MBNL1: variants seen among roughly 807,000 people sequenced by gnomAD.
MBNL1 encodes muscleblind like splicing regulator 1.
MBNL1 carries 8 observed loss-of-function variants against 42.2 expected under a neutral mutation model. The ratio of observed to expected loss-of-function variants is 0.19; its 90% CI spans 0.11 to 0.34. The LOEUF (loss-of-function observed/expected upper bound fraction) is 0.34. MBNL1 is among the 10% of genes least tolerant of loss of function. The probability of loss-of-function intolerance (pLI) is 1.00; values close to 1 mark genes in which losing one functional copy is unlikely to be tolerated. For missense variants in MBNL1, 309 were observed against 495.3 expected (o/e 0.62, Z 3.57); for synonymous variants, 169 against 173.9 (o/e 0.97, Z 0.22).
intron 2 of MBNL1, among the ~76,000 whole-genome samples, chr3:152,342,600 A>G (rs1482995776): frequency 7.1e-6 from 1 of 140,948 alleles, no homozygotes. Flanking sequence ...TCCACAAACA[A>G]CAGGACCTAC....
chr3:152,324,798 G>A (rs146976412), intron 2 of MBNL1, among the ~76,000 whole-genome samples: 250 of 152,104 alleles, frequency 1.6e-3, no homozygotes, highest in African/African-American at 5.6e-3. Flanking sequence ...TCTGTAAGAC[G>A]GGGATGATAA....
At chr3:152,370,441 G>T (rs997573247) in intron 2 of MBNL1, among the ~76,000 whole-genome samples, 2 of 152,210 alleles carry the variant, frequency 1.3e-5, no homozygotes, top group Admixed American at 1.3e-4. Context: ...TTTAGAATAA[G>T]TGTGATGTGG....
chr3:152,378,455 A>G (rs2153375956), intron 2 of MBNL1, among the ~76,000 whole-genome samples: 1 of 152,288 alleles, frequency 6.6e-6, no homozygotes, highest in South Asian at 2.1e-4. Context: ...ATATAATGCA[A>G]CAACATGTTT....
chr3:152,340,534 T>C, intron 2 of MBNL1: 2 of 1,596,272 alleles, frequency 1.3e-6, no homozygotes, highest in Non-Finnish European at 1.7e-6. Flanking sequence ...TTTTTAATTC[T>C]TCATGAGTCC....
chr3:152,272,642 A>T (rs953695368), intron 1 of MBNL1, among the ~76,000 whole-genome samples: 1 of 152,236 alleles, frequency 6.6e-6, no homozygotes, highest in South Asian at 2.1e-4. Context: ...ATTCATAAGA[A>T]TGAAAGATTT....
At chr3:152,316,453 C>T (rs9819876) in intron 2 of MBNL1, among the ~76,000 whole-genome samples, 1 of 152,142 alleles carries the variant, frequency 6.6e-6, no homozygotes, top group South Asian at 2.1e-4. Flanking sequence ...ATGGCATGCC[C>T]ACTGTGTGCA....
chr3:152,341,971 G>A (rs904365554), intron 2 of MBNL1, among the ~76,000 whole-genome samples: 9 of 151,996 alleles, frequency 5.9e-5, no homozygotes, highest in African/African-American at 2.2e-4. Context: ...GTAATGTATG[G>A]ATTACCTTTT....
intron 3 of MBNL1, among the ~76,000 whole-genome samples, chr3:152,428,328 C>G (rs2098962876): frequency 1.3e-5 from 2 of 152,164 alleles, no homozygotes. Context: ...AGTCTGCCCT[C>G]TAGGAGCCTC....
chr3:152,418,329 A>G (rs1239136307), intron 3 of MBNL1, among the ~76,000 whole-genome samples: 2 of 151,996 alleles, frequency 1.3e-5, no homozygotes, highest in Non-Finnish European at 2.9e-5. Context: ...GGAAGCACCT[A>G]ATTGGAGACA....
intron 2 of MBNL1, among the ~76,000 whole-genome samples, chr3:152,409,838 T>C (rs182221531): frequency 6.3e-4 from 96 of 152,290 alleles, no homozygotes; most frequent in Non-Finnish European, 4.3e-4. Flanking sequence ...CAAATCACAG[T>C]ATTCCTTTTA....
At chr3:152,262,625 A>G (rs750298010) in intron 2 of MBNL1, 7 of 152,190 alleles carry the variant, frequency 4.6e-5, no homozygotes, top group Non-Finnish European at 1.0e-4. Context: ...ATATTTTTTC[A>G]TATTTGTTTT....
At chr3:152,304,579 G>A (rs6782110) in intron 2 of MBNL1, among the ~76,000 whole-genome samples, 7,001 of 152,172 alleles carry the variant, frequency 0.046, 556 homozygotes, top group East Asian at 0.31. Flanking sequence ...TATATACTGT[G>A]CTGGCACATA....
chr3:152,335,011 C>G (rs1270811665), intron 2 of MBNL1: 1 of 1,095,540 alleles, frequency 9.1e-7, no homozygotes, highest in African/African-American at 1.6e-5. Flanking sequence ...GGAGATGGGT[C>G]TAAATGGTCT....
intron 2 of MBNL1, among the ~76,000 whole-genome samples, chr3:152,326,404 G>T (rs1228286478): frequency 6.6e-6 from 1 of 152,088 alleles, no homozygotes; most frequent in African/African-American, 2.4e-5. Flanking sequence ...TTTTAATGAT[G>T]CTGCAATCTA....
intron 2 of MBNL1, among the ~76,000 whole-genome samples, chr3:152,255,724 A>G (rs1010142614): frequency 2.6e-5 from 4 of 152,178 alleles, no homozygotes; most frequent in Non-Finnish European, 5.9e-5. Flanking sequence ...AATCCAGCAT[A>G]GTAAAAGGAT....
At chr3:152,410,687 G>A (rs1471174236) in intron 2 of MBNL1, among the ~76,000 whole-genome samples, 2 of 152,170 alleles carry the variant, frequency 1.3e-5, no homozygotes, top group Non-Finnish European at 2.9e-5. Context: ...TCTATAGAGT[G>A]GCCTGCTAGT....
intron 2 of MBNL1, among the ~76,000 whole-genome samples, chr3:152,373,671 C>G (rs1267805133): frequency 2.0e-5 from 3 of 152,122 alleles, no homozygotes; most frequent in African/African-American, 7.2e-5. Context: ...AAGAGATGAG[C>G]CAGGTACCTT....
intron 2 of MBNL1, among the ~76,000 whole-genome samples, chr3:152,374,093 C>G (rs2096794837): frequency 6.6e-6 from 1 of 152,102 alleles, no homozygotes; most frequent in Non-Finnish European, 1.5e-5. Context: ...TGAGTTGCTG[C>G]TTTATAGTTT....
chr3:152,462,203 G>A (rs545619524), intron 9 of MBNL1, among the ~76,000 whole-genome samples, 182 bp from the exon 10 acceptor site: 143 of 152,192 alleles, frequency 9.4e-4, no homozygotes, highest in African/African-American at 3.2e-3. Context: ...TATTTCATTC[G>A]TGTAGAGATG....
Sources: allele counts gnomAD v4.1 joint callset (sites outside exome capture counted in the v4.1 genomes callset), GRCh38; gene constraint gnomAD v4.1.1; transcripts MANE v1.5; gene names NCBI Gene and HGNC (gene_info 2026-07-23, HGNC 2026-07-21).